Variants in TMEM40 observed in about 807,000 individuals in gnomAD.
TMEM40 encodes transmembrane protein 40.
A neutral mutation model predicts 40.8 loss-of-function variants in TMEM40; 34 were observed. The ratio of observed to expected loss-of-function variants is 0.83; its 90% CI spans 0.63 to 1.11. The LOEUF is 1.11. Ranked by LOEUF, TMEM40 falls within the 50% of genes least tolerant of loss-of-function variation. TMEM40 has a pLI of 0.00. For missense variants in TMEM40, 296 were observed against 280.2 expected, an observed-to-expected ratio of 1.06 and a Z score of -0.40; for synonymous variants, 106 against 107.0, an observed-to-expected ratio of 0.99 and a Z score of 0.06.
At chr3:12,764,419 T>C (rs1008989559) in intron 1 of TMEM40, among the ~76,000 whole-genome samples, 1 of 152,202 alleles carries the variant, frequency 6.6e-6, no homozygotes, top group African/African-American at 2.4e-5. Context: ...CAGGTCTCCC[T>C]GACTGGAAAC....
chr3:12,739,919 G>A (rs970892079), intron 5 of TMEM40, among the ~76,000 whole-genome samples: 1 of 150,802 alleles, frequency 6.6e-6, no homozygotes, highest in Non-Finnish European at 1.5e-5. Flanking sequence ...AAACTCTTGG[G>A]CTCAAGCAAT....
chr3:12,768,884 T>TGGCGG (rs554846419), intron 1 of TMEM40, among the ~76,000 whole-genome samples: 12 of 112,354 alleles, frequency 1.1e-4, no homozygotes, highest in South Asian at 5.6e-4. Flanking sequence ...CAGGAGCCCA[T>TGGCGG]GGCGGGGCGG....
intron 1 of TMEM40, among the ~76,000 whole-genome samples, chr3:12,758,186 A>T (rs1486881401): frequency 3.3e-5 from 5 of 152,046 alleles, no homozygotes; most frequent in African/African-American, 4.8e-5. Flanking sequence ...TGCAGCCAGC[A>T]CTTGAGATCT....
chr3:12,736,521 CT>C (rs2061338424), intron 10 of TMEM40, 56 bp downstream of exon 10: 1 of 1,524,986 alleles, frequency 6.6e-7, no homozygotes, highest in Non-Finnish European at 8.9e-7. Flanking sequence ...ATGAATATTT[CT>C]ACCCACGACC....
upstream of TMEM40, among the ~76,000 whole-genome samples, chr3:12,763,063 G>C (rs993733583): frequency 2.7e-5 from 4 of 148,002 alleles, no homozygotes; most frequent in Non-Finnish European, 4.4e-5. Context: ...GGGAGGCTGA[G>C]GAAGGAGAAT....
chr3:12,737,637 C>G, intron 8 of TMEM40, 70 bp downstream of exon 8: 1 of 1,463,182 alleles, frequency 6.8e-7, no homozygotes, highest in Non-Finnish European at 9.6e-7. Context: ...TGCTAGGCCA[C>G]CAGCTGCATT....
At chr3:12,765,677 C>A (rs1192470783) in intron 1 of TMEM40, among the ~76,000 whole-genome samples, 3 of 150,338 alleles carry the variant, frequency 2.0e-5, no homozygotes, top group Non-Finnish European at 2.9e-5. Flanking sequence ...TCACGCCATT[C>A]TCCTGCCTCA....
chr3:12,762,335 AT>A (rs112792413), upstream of TMEM40, among the ~76,000 whole-genome samples: 1 of 152,140 alleles, frequency 6.6e-6, no homozygotes, highest in South Asian at 2.1e-4. Flanking sequence ...GTTACTGAAA[AT>A]TTTTTTAAAT....
At chr3:12,750,785 G>A (rs1300456326) in intron 1 of TMEM40, among the ~76,000 whole-genome samples, 1 of 152,104 alleles carries the variant, frequency 6.6e-6, no homozygotes, top group Non-Finnish European at 1.5e-5. Context: ...GCCTCAACAC[G>A]ACTGACATTT....
upstream of TMEM40, among the ~76,000 whole-genome samples, chr3:12,764,121 C>A (rs1303196041): frequency 3.3e-5 from 5 of 152,020 alleles, no homozygotes; most frequent in Non-Finnish European, 7.4e-5. Context: ...ACCATGTTGG[C>A]CAGGCTGGTC....
Position 12,749,085 on chromosome 3 carries a change from C to T in TMEM40, c.74-293G>A, listed in dbSNP as rs550309143. Among the ~76,000 whole-genome samples the T allele has an allele frequency of 1.8e-3, 269 of 151,940 alleles. 1 individual carries two copies. The highest frequency in any genetic ancestry group is 2.0e-3 in the Non-Finnish European group (133 of 67,964). On this transcript the variant is annotated intron_variant, in intron 2 of 11. Coordinates refer to ENST00000314124, the MANE Select transcript of TMEM40 (RefSeq NM_018306.4). ...TTTTGCCCAGGCTGGACTGCAGTGA[C>T]GCTATCTCGGCTCACTGCAAGCTCT...
At chr3:12,757,763 C>T (rs1391326250) in intron 1 of TMEM40, among the ~76,000 whole-genome samples, 2 of 152,200 alleles carry the variant, frequency 1.3e-5, no homozygotes, top group Non-Finnish European at 2.9e-5. Context: ...AATTGACAAC[C>T]TATATCCGAA....
At chr3:12,757,703 AG>A (rs1344695405) in intron 1 of TMEM40, among the ~76,000 whole-genome samples, 1 of 152,228 alleles carries the variant, frequency 6.6e-6, no homozygotes, top group Non-Finnish European at 1.5e-5. Flanking sequence ...AGGTTAAAAA[AG>A]ATTTACTACA....
chr3:12,755,280 T>TTTCC, intron 1 of TMEM40, among the ~76,000 whole-genome samples: 1 of 129,392 alleles, frequency 7.7e-6, no homozygotes, highest in Admixed American at 7.7e-5. Context: ...TCTTTCTTTC[T>TTTCC]TTCTTCTTTT....
rs2061348673 is a variant in TMEM40 at position 12,737,762 on chromosome 3, A to G, written c.425-8T>C. The stretch of plus-strand genomic sequence containing the variant: ...GAGAGGCCTCCACTTCTCCTTAAGA[A>G]CAAGAGAGAGATGAATATTTAACTT... On this transcript the variant is annotated splice_polypyrimidine_tract_variant and splice_region_variant and intron_variant, in intron 7 of 11. Transcript: ENST00000314124. The G allele has an allele frequency of 6.2e-7, 1 of 1,613,454 alleles. No homozygotes were observed. The highest frequency in any genetic ancestry group is 1.7e-5 in the Admixed American group (1 of 59,996).
At chr3:12,760,773 G>A (rs117729100), upstream of TMEM40, among the ~76,000 whole-genome samples, 20 of 149,208 alleles carry the variant, frequency 1.3e-4, no homozygotes, top group East Asian at 3.1e-3. Flanking sequence ...TCAGGGTCTC[G>A]CTCTGTTGCC....
rs56223138 is a variant in TMEM40 at position 12,755,283 on chromosome 3, C to CTTTCTTTCTTTCTTTCTTTCT, written c.-9+3907_-9+3908insAGAAAGAAAGAAAGAAAGAAA. Among the ~76,000 whole-genome samples the CTTTCTTTCTTTCTTTCTTTCT allele has an allele frequency of 1.2e-3, 122 of 97,812 alleles. 3 individuals are homozygous for CTTTCTTTCTTTCTTTCTTTCT. The highest frequency in any genetic ancestry group is 2.9e-3 in the East Asian group (9 of 3,102). The allele number at this position is 97,812 out of a possible 152,430, so 64.2% of individuals were successfully genotyped here. A position where few individuals can be genotyped will look rare whatever the true frequency, so the allele number is the denominator to read the frequency against. ...TCTTTCTTTCTTTCTTTCTTTCTTT[C>CTTTCTTTCTTTCTTTCTTTCT]TTCTTTTCTAGAGACAGGGTCTCAC... On this transcript the variant is annotated intron_variant, in intron 1 of 11. Transcript: ENST00000314124.
At chr3:12,768,509 C>T (rs2061604760) in intron 1 of TMEM40, among the ~76,000 whole-genome samples, 1 of 152,092 alleles carries the variant, frequency 6.6e-6, no homozygotes, top group African/African-American at 2.4e-5. Context: ...ATTCACAATC[C>T]CTTAGCTAGA....
At chr3:12,755,233 C>CTCTCTGTCTTTCTT (rs1553634013) in intron 1 of TMEM40, among the ~76,000 whole-genome samples, 5 of 59,964 alleles carry the variant, frequency 8.3e-5, no homozygotes, top group Middle Eastern at 8.6e-3. Context: ...CTCTCTCTCT[C>CTCTCTGTCTTTCTT]TCTTTCTTTC....
Sources: gnomAD v4.1 joint callset for allele counts (sites outside exome capture counted in the v4.1 genomes callset) on GRCh38, gnomAD v4.1.1 for gene constraint, MANE v1.5 for transcripts, NCBI Gene and HGNC (gene_info 2026-07-23, HGNC 2026-07-21) for gene names.